The following TRAF3IP1 variants were observed in gnomAD, a reference collection of about 807,000 sequenced individuals.
TRAF3IP1 encodes the protein TRAF3-interacting protein 1.
A neutral mutation model predicts 89.9 loss-of-function variants in TRAF3IP1; 53 were observed. The observed-to-expected ratio is 0.59, with a 90% CI of 0.47 to 0.74. The LOEUF (loss-of-function observed/expected upper bound fraction) is 0.74, where lower values mean the gene tolerates loss of function less well. Among genes scored for constraint, TRAF3IP1 ranks in the 30% least tolerant of loss-of-function variants. The pLI, the probability that TRAF3IP1 is intolerant of heterozygous loss-of-function variation, is 0.00. For synonymous variants in TRAF3IP1, 311 were observed against 322.1 expected (o/e 0.97, Z 0.37); for missense variants, 806 against 866.1 (o/e 0.93, Z 0.87).
chr2:238,350,697 C>T (rs6706967), intron 12 of TRAF3IP1, among the ~76,000 whole-genome samples: 17,754 of 152,160 alleles, frequency 0.12, 1,767 homozygotes, highest in African/African-American at 0.27. Flanking sequence ...GGGCTGCCTG[C>T]CCATAGTGCC....
At chr2:238,380,337 T>C (rs1475912481) in intron 15 of TRAF3IP1, among the ~76,000 whole-genome samples, 1 of 152,178 alleles carries the variant, frequency 6.6e-6, no homozygotes, top group African/African-American at 2.4e-5. Flanking sequence ...TTGGTTCCTG[T>C]GCACAACGAC....
chr2:238,374,505 T>TG (rs952620132), intron 15 of TRAF3IP1, among the ~76,000 whole-genome samples: 52 of 152,080 alleles, frequency 3.4e-4, no homozygotes, highest in Non-Finnish European at 6.3e-4. Flanking sequence ...AAGCTTTTTT[T>TG]TGATGTGCTG....
chr2:238,331,529 A>G (rs902379337), intron 5 of TRAF3IP1, among the ~76,000 whole-genome samples: 1 of 152,178 alleles, frequency 6.6e-6, no homozygotes, highest in Non-Finnish European at 1.5e-5. Flanking sequence ...TTGGGAACAT[A>G]TCAGAGCCAA....
intron 2 of TRAF3IP1, 23 bp downstream of exon 2, chr2:238,325,397 C>G: frequency 6.2e-7 from 1 of 1,613,386 alleles, no homozygotes; most frequent in Non-Finnish European, 8.5e-7. Flanking sequence ...CGGGCTTCTC[C>G]TATTGACTCC....
intron 15 of TRAF3IP1, among the ~76,000 whole-genome samples, chr2:238,382,832 G>A (rs1222251096): frequency 6.7e-6 from 1 of 148,964 alleles, no homozygotes. Context: ...ACCCTCTCCT[G>A]CCTTCATCAG....
chr2:238,320,561 G>C lies in TRAF3IP1; in HGVS notation c.-102G>C, dbSNP rs1559349362. On this transcript the variant is annotated 5_prime_UTR_variant, in exon 1 of 17. Transcript: ENST00000373327. Reference sequence around the variant, plus strand: ...CGGAGCGGCGCGTCCTGGCAGGACCGGGCGGCGGCGGCGGCGGGGCCGGCG... The same window carrying C: ...CGGAGCGGCGCGTCCTGGCAGGACCCGGCGGCGGCGGCGGCGGGGCCGGCG... 14 of 1,033,740 alleles carry C rather than the reference G, an allele frequency of 1.4e-5. No individual in the cohort carries two copies. Among genetic ancestry groups the C allele is most frequent in the African/African-American group, 8.6e-5 (5 of 58,010 alleles). The allele number at this position is 1,033,740 out of a possible 1,614,324, so 64.0% of individuals were successfully genotyped here. A position where few individuals can be genotyped will look rare whatever the true frequency, so the allele number is the denominator to read the frequency against.
intron 14 of TRAF3IP1, among the ~76,000 whole-genome samples, 197 bp downstream of exon 14, chr2:238,353,406 C>T (rs1659946339): frequency 6.6e-6 from 1 of 152,172 alleles, no homozygotes; most frequent in African/African-American, 2.4e-5. Flanking sequence ...CTGCTGCTCC[C>T]CATCCTTAGA....
intron 15 of TRAF3IP1, among the ~76,000 whole-genome samples, chr2:238,373,619 C>G (rs1210018142): frequency 1.3e-5 from 2 of 152,096 alleles, no homozygotes; most frequent in South Asian, 4.1e-4. Flanking sequence ...AATGCGGGCT[C>G]TTTTTTGGTT....
In TRAF3IP1 at chr2:238,378,847, C is replaced by G. The variant is rs536875447; in HGVS notation, c.1690-18612C>G. On this transcript the variant is annotated intron_variant, in intron 15 of 16. Coordinates refer to ENST00000373327, the MANE Select transcript of TRAF3IP1 (RefSeq NM_015650.4). ...GTCAGAAGCCTCTTACCATCACTTGCAAACCCAATACCATGAGGCACTCAA... is the reference window on the plus strand; with the variant it reads ...GTCAGAAGCCTCTTACCATCACTTGGAAACCCAATACCATGAGGCACTCAA... Among the ~76,000 whole-genome samples the G allele has an allele frequency of 2.0e-5, 3 of 152,282 alleles. No individual in the cohort carries two copies. The East Asian group carries it at 5.8e-4, about 29-fold the overall frequency.
Position 238,344,516 on chromosome 2 carries a change from TAACTC to T in TRAF3IP1, c.1184_1188del (p.Ser395Ter). 6.2e-7 allele frequency: 1 copy of T among 1,614,094 alleles called. No homozygotes were observed. Among genetic ancestry groups the T allele is most frequent in the Admixed American group, 1.7e-5 (1 of 60,018 alleles). On this transcript the variant is annotated frameshift_variant, in exon 9 of 17. Transcript: ENST00000373327. LOFTEE classifies it high-confidence loss of function. ...TGTCAGGAACAAAAGAAGCTAATAT[TAACTC>T]AACTAGTATTTCAGATGATAATTCA...
At chr2:238,329,792 C>CT (rs780893116) in intron 5 of TRAF3IP1, among the ~76,000 whole-genome samples, 4 of 152,128 alleles carry the variant, frequency 2.6e-5, no homozygotes, top group African/African-American at 7.2e-5. Context: ...GGGTGATGGG[C>CT]TTTTCAGATC....
intron 9 of TRAF3IP1, chr2:238,344,801 T>C: frequency 1.5e-6 from 1 of 676,770 alleles, no homozygotes; most frequent in Non-Finnish European, 2.7e-6. Context: ...GACCCACTCG[T>C]GTGCTCCCCC....
intron 15 of TRAF3IP1, among the ~76,000 whole-genome samples, chr2:238,371,916 A>G (rs1412446950): frequency 1.3e-5 from 2 of 152,212 alleles, no homozygotes; most frequent in Non-Finnish European, 2.9e-5. Flanking sequence ...CAGCATTGGT[A>G]TAGGTGAAAT....
In TRAF3IP1 at chr2:238,334,046, A is replaced by G; in HGVS notation, c.1063+11A>G. 3 of 1,598,774 alleles carry G rather than the reference A, an allele frequency of 1.9e-6. No individual in the cohort carries two copies. The highest frequency in any genetic ancestry group is 2.6e-6 in the Non-Finnish European group (3 of 1,170,682). On this transcript the variant is annotated intron_variant, in intron 7 of 16. Transcript: ENST00000373327. ...AAAATTCAGTGGAAGGTACTGCAAA[A>G]CTTATATATGTAGCTGAAAATATGG...
chr2:238,353,352 G>A (rs1187227515), intron 14 of TRAF3IP1, 143 bp downstream of exon 14: 3 of 822,372 alleles, frequency 3.6e-6, no homozygotes, highest in South Asian at 3.5e-5. Flanking sequence ...TCACACTGGT[G>A]GTACATAGGA....
chr2:238,392,803 T>G (rs936001383), intron 15 of TRAF3IP1, among the ~76,000 whole-genome samples: 1 of 152,204 alleles, frequency 6.6e-6, no homozygotes, highest in African/African-American at 2.4e-5. Flanking sequence ...CTCGAACTCC[T>G]GACCTCAGGT....
In TRAF3IP1 at chr2:238,348,709, A is replaced by G. The variant is rs764413406; in HGVS notation, c.1283-55A>G. The G allele has an allele frequency of 4.2e-6, 6 of 1,439,862 alleles. No individual in the cohort carries two copies. In the East Asian group the frequency reaches 6.9e-5, roughly 16 times the overall value. The allele number at this position is 1,439,862 out of a possible 1,614,324, so 89.2% of individuals were successfully genotyped here. On this transcript the variant is annotated intron_variant, in intron 10 of 16. Transcript: ENST00000373327. ...ACAGATGCAAATAGTATTTTCAAAT[A>G]GTTATCTATGTGTGTTTTCCTTTGT...
At chr2:238,393,288 A>T (rs1438290425) in intron 15 of TRAF3IP1, among the ~76,000 whole-genome samples, 1 of 152,218 alleles carries the variant, frequency 6.6e-6, no homozygotes, top group Non-Finnish European at 1.5e-5. Flanking sequence ...CCTAATGCCT[A>T]ATGATTTCAA....
At chr2:238,358,106 T>C (rs1354802995) in intron 15 of TRAF3IP1, among the ~76,000 whole-genome samples, 2 of 145,524 alleles carry the variant, frequency 1.4e-5, no homozygotes, top group African/African-American at 5.2e-5. Flanking sequence ...TAAAACATTT[T>C]TGTTACATTT....
Sources: allele counts gnomAD v4.1 joint callset (sites outside exome capture counted in the v4.1 genomes callset), GRCh38; gene constraint gnomAD v4.1.1; transcripts MANE v1.5; gene names NCBI Gene and HGNC (gene_info 2026-07-23, HGNC 2026-07-21).